Variants in RANBP2 observed in about 807,000 individuals in gnomAD.
The protein encoded by RANBP2 is RAN binding protein 2.
A neutral mutation model predicts 303.6 loss-of-function variants in RANBP2; 57 were observed. The ratio of observed to expected loss-of-function variants is 0.19; its 90% CI spans 0.15 to 0.23. The LOEUF is 0.23. RANBP2 is among the 10% of genes least tolerant of loss of function. RANBP2 has a pLI of 1.00. For synonymous variants in RANBP2, 1,167 were observed against 1,301.5 expected (o/e 0.90, Z 2.23); for missense variants, 3,138 against 3,780.8 (o/e 0.83, Z 4.46).
At chr2:109,422,656 T>C in the RANBP2 span, among the ~76,000 whole-genome samples, 3 of 152,160 alleles carry the variant, frequency 2.0e-5, no homozygotes, top group Non-Finnish European at 2.9e-5. Flanking sequence ...CTGCTGTGAT[T>C]TGGGAAAGCA....
the RANBP2 span, chr2:108,908,151 A>T: frequency 9.8e-7 from 1 of 1,018,162 alleles, no homozygotes; most frequent in Non-Finnish European, 1.4e-6. Context: ...TCAGGTGTTT[A>T]CTGGGCACCT....
At chr2:108,897,339 A>T in the RANBP2 span, 1 of 1,113,494 alleles carries the variant, frequency 9.0e-7, no homozygotes, top group Non-Finnish European at 1.3e-6. Context: ...AATTTTTTTA[A>T]AATTATAAAA....
chr2:109,765,579 A>G, the RANBP2 span, among the ~76,000 whole-genome samples: 1 of 150,092 alleles, frequency 6.7e-6, no homozygotes, highest in African/African-American at 2.4e-5. Flanking sequence ...TAAGATATTC[A>G]TGGTGGGGTG....
At chr2:108,879,362 A>G in the RANBP2 span, among the ~76,000 whole-genome samples, 17 of 152,250 alleles carry the variant, frequency 1.1e-4, no homozygotes, top group Admixed American at 9.2e-4. Context: ...AAATTTCAAC[A>G]TGAAATATTT....
chr2:108,764,329 T>C lies in RANBP2; in HGVS notation c.3790T>C (p.Phe1264Leu), dbSNP rs539031498. The C allele has an allele frequency of 6.2e-6, 10 of 1,613,778 alleles. 1 individual carries two copies. In the South Asian group the frequency reaches 9.9e-5, roughly 16 times the overall value. Reference sequence around the variant, plus strand: ...ACCAAATGCTGGATCAGACAGATCTTTTGTATGGCATGCCCTTGATTATGC... The same window carrying C: ...ACCAAATGCTGGATCAGACAGATCTCTTGTATGGCATGCCCTTGATTATGC... ...LTPNAGSDRSFVWHALDYADE... is the reference protein window; with the variant it reads ...LTPNAGSDRSLVWHALDYADE... Residue 1264 changes from phenylalanine (F) to leucine (L), a missense_variant, in exon 20 of 29, where the codon TTT becomes CTT. Transcript: ENST00000283195.
At chr2:109,178,617 A>G in the RANBP2 span, among the ~76,000 whole-genome samples, 1 of 152,212 alleles carries the variant, frequency 6.6e-6, no homozygotes, top group Non-Finnish European at 1.5e-5. Flanking sequence ...CTGTGGTGAG[A>G]CAGCAAGGCA....
the RANBP2 span, chr2:108,873,369 C>A: frequency 8.3e-7 from 1 of 1,202,460 alleles, no homozygotes. Context: ...ATAAATGCCT[C>A]ACATAGTTCT....
At chr2:109,402,533 G>C in the RANBP2 span, among the ~76,000 whole-genome samples, 1 of 152,230 alleles carries the variant, frequency 6.6e-6, no homozygotes, top group Admixed American at 6.5e-5. Context: ...GCAGCCCCAG[G>C]CTCCTCGGTG....
chr2:109,109,444 G>T, the RANBP2 span, among the ~76,000 whole-genome samples: 4 of 152,144 alleles, frequency 2.6e-5, no homozygotes, highest in African/African-American at 9.7e-5. Flanking sequence ...TTTTAAAATG[G>T]CTTTTGTATT....
chr2:109,737,600 G>A, the RANBP2 span: 1 of 345,062 alleles, frequency 2.9e-6, no homozygotes, highest in Admixed American at 4.8e-5. Flanking sequence ...CCAGTGATGG[G>A]ATTGCTGGAT....
At chr2:109,210,754 G>A in the RANBP2 span, among the ~76,000 whole-genome samples, 1 of 152,154 alleles carries the variant, frequency 6.6e-6, no homozygotes, top group African/African-American at 2.4e-5. Flanking sequence ...AGGGAGAAAT[G>A]CTGTGAATTA....
chr2:109,644,869 G>T, the RANBP2 span, among the ~76,000 whole-genome samples: 3 of 152,148 alleles, frequency 2.0e-5, no homozygotes, highest in African/African-American at 2.4e-5. Flanking sequence ...AAGCCCCAAG[G>T]CCTGTCACTT....
At chr2:109,722,883 G>A in the RANBP2 span, among the ~76,000 whole-genome samples, 1 of 152,108 alleles carries the variant, frequency 6.6e-6, no homozygotes, top group South Asian at 2.1e-4. Flanking sequence ...ATGGGTATTT[G>A]GGTTGATTCC....
the RANBP2 span, among the ~76,000 whole-genome samples, chr2:109,418,077 C>T: frequency 6.6e-6 from 1 of 152,104 alleles, no homozygotes; most frequent in African/African-American, 2.4e-5. Context: ...GACACAGGCA[C>T]CTTCCCCATT....
At chr2:109,434,512 A>G in the RANBP2 span, among the ~76,000 whole-genome samples, 1 of 152,198 alleles carries the variant, frequency 6.6e-6, no homozygotes, top group Non-Finnish European at 1.5e-5. Context: ...CAGTGTCACC[A>G]CAGGGAGCTC....
At chr2:109,508,481 C>T in the RANBP2 span, among the ~76,000 whole-genome samples, 8 of 152,142 alleles carry the variant, frequency 5.3e-5, no homozygotes, top group Non-Finnish European at 8.8e-5. Flanking sequence ...ACGCGTCTTC[C>T]GAGGGCCACC....
chr2:108,929,222 G>C, the RANBP2 span: 1 of 1,613,988 alleles, frequency 6.2e-7, no homozygotes. Context: ...GCCACACTCA[G>C]CGTCATTCTC....
At chr2:108,736,348 A>G (rs1412630475) in intron 6 of RANBP2, 99 bp downstream of exon 6, 8 of 1,602,220 alleles carry the variant, frequency 5.0e-6, no homozygotes, top group Middle Eastern at 4.5e-4. Context: ...CATTATTTGT[A>G]TAATGTACCT....
the RANBP2 span, among the ~76,000 whole-genome samples, chr2:109,033,016 C>T: frequency 6.6e-6 from 1 of 152,154 alleles, no homozygotes; most frequent in African/African-American, 2.4e-5. Flanking sequence ...GGAAGCTGAA[C>T]GTTGTGGACA....
Sources: allele counts gnomAD v4.1 joint callset (sites outside exome capture counted in the v4.1 genomes callset), GRCh38; gene constraint gnomAD v4.1.1; transcripts MANE v1.5; gene names NCBI Gene and HGNC (gene_info 2026-07-23, HGNC 2026-07-21).